RORB: variants seen among roughly 807,000 people sequenced by gnomAD.
RORB encodes RAR related orphan receptor B.
RORB carries 6 observed loss-of-function variants against 59.1 expected under a neutral mutation model. The observed-to-expected ratio is 0.10, with a 90% CI of 0.06 to 0.20. The LOEUF is 0.20. Among genes scored for constraint, RORB ranks in the 10% least tolerant of loss-of-function variants. RORB has a pLI of 1.00. For synonymous variants in RORB, 215 were observed against 204.5 expected, an observed-to-expected ratio of 1.05 and a Z score of -0.44; for missense variants, 320 against 560.5, an observed-to-expected ratio of 0.57 and a Z score of 4.33.
At chr9:74,653,036 T>C (rs1824021179) in intron 4 of RORB, among the ~76,000 whole-genome samples, 1 of 152,210 alleles carries the variant, frequency 6.6e-6, no homozygotes, top group African/African-American at 2.4e-5. Context: ...TTAAATGACA[T>C]TGTCTTTTCT....
intron 1 of RORB, among the ~76,000 whole-genome samples, chr9:74,612,751 A>G (rs1275331366): frequency 1.3e-5 from 2 of 152,196 alleles, no homozygotes; most frequent in Non-Finnish European, 2.9e-5. Flanking sequence ...TCAGGTTAAT[A>G]TTTAATAACC....
chr9:74,565,593 A>G (rs1039664793), intron 1 of RORB, among the ~76,000 whole-genome samples: 4 of 152,188 alleles, frequency 2.6e-5, no homozygotes, highest in African/African-American at 9.7e-5. Flanking sequence ...TAAATTTATC[A>G]ATTGTGAAGT....
intron 1 of RORB, among the ~76,000 whole-genome samples, chr9:74,622,558 G>T (rs184166739): frequency 8.7e-6 from 1 of 115,222 alleles, no homozygotes; most frequent in Non-Finnish European, 1.6e-5. Flanking sequence ...ACAGAGTCTC[G>T]GTCTGTCGCC....
chr9:74,507,503 C>A (rs1825885822), intron 1 of RORB, among the ~76,000 whole-genome samples: 1 of 152,120 alleles, frequency 6.6e-6, no homozygotes, highest in East Asian at 1.9e-4. Context: ...GAAAGGATCA[C>A]ATAGTGCTTC....
At chr9:74,552,769 T>A (rs2118169553) in intron 1 of RORB, among the ~76,000 whole-genome samples, 1 of 152,114 alleles carries the variant, frequency 6.6e-6, no homozygotes, top group African/African-American at 2.4e-5. Context: ...CAGAGAAGAT[T>A]TCTGCCCTCA....
intron 1 of RORB, among the ~76,000 whole-genome samples, chr9:74,510,301 G>C (rs1825918758): frequency 6.6e-6 from 1 of 152,106 alleles, no homozygotes; most frequent in African/African-American, 2.4e-5. Flanking sequence ...GGTTGGAAAA[G>C]ATTGTACACT....
intron 4 of RORB, among the ~76,000 whole-genome samples, chr9:74,648,683 G>A (rs201588508): frequency 6.6e-6 from 1 of 152,238 alleles, no homozygotes; most frequent in East Asian, 1.9e-4. Flanking sequence ...TCAGAACCGT[G>A]CACTAGCCTC....
intron 1 of RORB, among the ~76,000 whole-genome samples, chr9:74,613,556 C>A (rs1373325431): frequency 1.3e-5 from 2 of 152,116 alleles, no homozygotes; most frequent in African/African-American, 4.8e-5. Flanking sequence ...ATTCCAGATG[C>A]CTTGGCCCCC....
intron 4 of RORB, among the ~76,000 whole-genome samples, chr9:74,658,342 T>C (rs1824123762): frequency 6.6e-6 from 1 of 152,226 alleles, no homozygotes; most frequent in South Asian, 2.1e-4. Flanking sequence ...GGTTGAGTCC[T>C]GAAGCATGCA....
chr9:74,620,133 G>A (rs374984861), intron 1 of RORB, among the ~76,000 whole-genome samples: 1 of 152,112 alleles, frequency 6.6e-6, no homozygotes, highest in Admixed American at 6.5e-5. Context: ...GCTCCTTTTT[G>A]TACCTCTGGT....
chr9:74,642,622 C>A lies in RORB; in HGVS notation c.444C>A (p.Asp148Glu), dbSNP rs146275488. Residue 148 changes from aspartate (D) to glutamate (E), a missense_variant, in exon 4 of 10, where the codon GAC becomes GAA. By Grantham distance (45) the Asp-to-Glu change is conservative. Coordinates refer to ENST00000376896, the MANE Select transcript of RORB (RefSeq NM_006914.4). ...CTTATGCCAACGGGCACGTCATTGA[C>A]CTGCCCAAGTCTGAGGGTTATTACA... Reference protein sequence around the residue: ...SGTYANGHVIDLPKSEGYYNV... With the variant: ...SGTYANGHVIELPKSEGYYNV... 1 of 1,614,058 alleles carries A rather than the reference C, an allele frequency of 6.2e-7. No homozygotes were observed. The highest frequency in any genetic ancestry group is 8.5e-7 in the Non-Finnish European group (1 of 1,180,040).
chr9:74,512,191 T>C (rs1249532805), intron 1 of RORB, among the ~76,000 whole-genome samples: 1 of 152,138 alleles, frequency 6.6e-6, no homozygotes, highest in African/African-American at 2.4e-5. Flanking sequence ...AGTCTTCAAT[T>C]TGTCTCCATT....
At chr9:74,520,096 G>A (rs976148226) in intron 1 of RORB, among the ~76,000 whole-genome samples, 6 of 151,712 alleles carry the variant, frequency 4.0e-5, no homozygotes, top group African/African-American at 1.2e-4. Flanking sequence ...TAAGGATTTC[G>A]CAGACGATGA....
At chr9:74,537,557 C>A (rs1367924140) in intron 1 of RORB, among the ~76,000 whole-genome samples, 1 of 151,916 alleles carries the variant, frequency 6.6e-6, no homozygotes, top group Non-Finnish European at 1.5e-5. Context: ...TAATTTTATT[C>A]ATTCTGCTTC....
intron 1 of RORB, among the ~76,000 whole-genome samples, chr9:74,597,713 C>A (rs151332380): frequency 1.3e-5 from 2 of 152,076 alleles, no homozygotes; most frequent in Admixed American, 6.5e-5. Flanking sequence ...AATCCCAGCA[C>A]TTTGGGAGAC....
chr9:74,654,003 C>T (rs771040291), intron 4 of RORB, among the ~76,000 whole-genome samples: 1 of 152,106 alleles, frequency 6.6e-6, no homozygotes, highest in Non-Finnish European at 1.5e-5. Context: ...GCAGATGTAG[C>T]CCTTTTTCTT....
chr9:74,527,032 C>T (rs1826164857), intron 1 of RORB, among the ~76,000 whole-genome samples: 1 of 151,926 alleles, frequency 6.6e-6, no homozygotes, highest in Non-Finnish European at 1.5e-5. Context: ...TACAGCTACT[C>T]TCAAAAGACA....
intron 1 of RORB, among the ~76,000 whole-genome samples, chr9:74,542,055 T>G (rs192415774): frequency 4.4e-4 from 67 of 152,238 alleles, no homozygotes; most frequent in African/African-American, 1.5e-3. Context: ...GATACCTATC[T>G]TGAAGCAAAT....
intron 1 of RORB, among the ~76,000 whole-genome samples, chr9:74,519,538 T>C (rs889028103): frequency 1.3e-5 from 2 of 152,018 alleles, no homozygotes; most frequent in African/African-American, 4.8e-5. Flanking sequence ...TATGAGTTTG[T>C]ACAGAGAATA....
Sources: gnomAD v4.1 joint callset for allele counts (sites outside exome capture counted in the v4.1 genomes callset) on GRCh38, gnomAD v4.1.1 for gene constraint, MANE v1.5 for transcripts, NCBI Gene and HGNC (gene_info 2026-07-23, HGNC 2026-07-21) for gene names.